ARF4: variants seen among roughly 807,000 people sequenced by gnomAD.
The protein encoded by ARF4 is ARF GTPase 4.
In ARF4, 5 loss-of-function variants were observed where a neutral mutation model predicts 24.3. The ratio of observed to expected loss-of-function variants is 0.21; its 90% confidence interval spans 0.11 to 0.43. The LOEUF is 0.43. Among genes scored for constraint, ARF4 ranks in the 20% least tolerant of loss-of-function variants. The probability of loss-of-function intolerance (pLI) is 1.00; values close to 1 mark genes in which losing one functional copy is unlikely to be tolerated. For missense variants in ARF4, 107 were observed against 213.0 expected (o/e 0.50, Z 3.10); for synonymous variants, 62 against 73.5 (o/e 0.84, Z 0.80).
chr3:57,582,509 G>A (rs1281636587), intron 3 of ARF4, among the ~76,000 whole-genome samples: 1 of 152,082 alleles, frequency 6.6e-6, no homozygotes, highest in Non-Finnish European at 1.5e-5. Context: ...CCAAAGTGCT[G>A]GGATCACAGG....
At chr3:57,576,912 T>C (rs1408851878) in intron 4 of ARF4, among the ~76,000 whole-genome samples, 1 of 152,128 alleles carries the variant, frequency 6.6e-6, no homozygotes, top group Non-Finnish European at 1.5e-5. Context: ...ACCGATGACC[T>C]TGGGAACAAA....
At chr3:57,595,701 C>T (rs575149296) in intron 1 of ARF4, among the ~76,000 whole-genome samples, 1 of 152,272 alleles carries the variant, frequency 6.6e-6, no homozygotes, top group African/African-American at 2.4e-5. Context: ...GTAATCCCAG[C>T]ACTCTGGGAA....
intron 3 of ARF4, among the ~76,000 whole-genome samples, chr3:57,580,147 T>C (rs2069952344): frequency 6.6e-6 from 1 of 152,062 alleles, no homozygotes; most frequent in African/African-American, 2.4e-5. Context: ...GCCAATATAG[T>C]GTGGTGGGAA....
intron 1 of ARF4, among the ~76,000 whole-genome samples, chr3:57,585,845 A>T (rs1453154833): frequency 2.6e-5 from 4 of 152,060 alleles, no homozygotes; most frequent in African/African-American, 9.7e-5. Context: ...TATTTTTAGT[A>T]GAGACGGGGT....
chr3:57,573,811 G>C (rs540047485), intron 5 of ARF4, among the ~76,000 whole-genome samples: 1 of 152,236 alleles, frequency 6.6e-6, no homozygotes, highest in East Asian at 1.9e-4. Flanking sequence ...CGAACTCCTG[G>C]TCTCAAGTGA....
At chr3:57,594,698 C>T (rs977650335) in intron 1 of ARF4, among the ~76,000 whole-genome samples, 20 of 152,146 alleles carry the variant, frequency 1.3e-4, no homozygotes, top group Non-Finnish European at 2.9e-4. Flanking sequence ...GAATAAAACA[C>T]TGACTCAGGA....
At chr3:57,582,604 C>G (rs1215424189) in intron 3 of ARF4, among the ~76,000 whole-genome samples, 1 of 152,046 alleles carries the variant, frequency 6.6e-6, no homozygotes, top group African/African-American at 2.4e-5. Flanking sequence ...CTATGTAAAC[C>G]TGGTTGTCCC....
At chr3:57,595,198 G>T (rs1559788505) in intron 1 of ARF4, among the ~76,000 whole-genome samples, 1 of 152,020 alleles carries the variant, frequency 6.6e-6, no homozygotes. Context: ...TATATTCCTT[G>T]CCCCTCTGAT....
At chr3:57,589,487 A>C (rs1173313271) in intron 1 of ARF4, among the ~76,000 whole-genome samples, 4 of 152,100 alleles carry the variant, frequency 2.6e-5, no homozygotes, top group Non-Finnish European at 4.4e-5. Context: ...TGGGAGGCTG[A>C]AGTGGGTGGA....
intron 1 of ARF4, among the ~76,000 whole-genome samples, chr3:57,584,695 C>T (rs1476893326): frequency 1.3e-5 from 2 of 152,096 alleles, no homozygotes; most frequent in Non-Finnish European, 2.9e-5. Context: ...TAAAAGGTAA[C>T]AAGTATGTAG....
At chr3:57,595,094 T>G (rs532926774) in intron 1 of ARF4, among the ~76,000 whole-genome samples, 1 of 152,208 alleles carries the variant, frequency 6.6e-6, no homozygotes, top group Non-Finnish European at 1.5e-5. Flanking sequence ...AACTTAAATA[T>G]TTTTTCTCTC....
chr3:57,575,694 A>G (rs776714372), intron 4 of ARF4, 21 bp from the exon 5 acceptor site: 18 of 1,594,744 alleles, frequency 1.1e-5, no homozygotes, highest in Non-Finnish European at 1.5e-5. Context: ...AAGGTAAGGC[A>G]TTAACAACTA....
At chr3:57,592,772 C>A (rs2070130065) in intron 1 of ARF4, among the ~76,000 whole-genome samples, 2 of 152,010 alleles carry the variant, frequency 1.3e-5, no homozygotes, top group African/African-American at 2.4e-5. Flanking sequence ...ATCAGAAGAG[C>A]CTGTTTTTTT....
At chr3:57,579,577 C>T (rs546150264) in intron 3 of ARF4, among the ~76,000 whole-genome samples, 9 of 152,144 alleles carry the variant, frequency 5.9e-5, no homozygotes, top group South Asian at 2.1e-4. Flanking sequence ...TGTGAGCCAC[C>T]GCGCCCAGCC....
intron 3 of ARF4, 131 bp downstream of exon 3, chr3:57,583,767 G>T: frequency 1.5e-6 from 1 of 682,370 alleles, no homozygotes; most frequent in Non-Finnish European, 2.6e-6. Context: ...ACTGAAGAAT[G>T]TGGAAGTGGT....
intron 1 of ARF4, among the ~76,000 whole-genome samples, chr3:57,594,073 T>C (rs1364463400): frequency 2.0e-5 from 3 of 151,992 alleles, no homozygotes; most frequent in African/African-American, 4.8e-5. Flanking sequence ...CTGGCCAACA[T>C]GGTGAAACCC....
At chr3:57,586,970 T>C (rs1238486176) in intron 1 of ARF4, among the ~76,000 whole-genome samples, 1 of 152,042 alleles carries the variant, frequency 6.6e-6, no homozygotes, top group Admixed American at 6.6e-5. Context: ...CACACAAAAC[T>C]ATGGTACCTG....
At chr3:57,582,705 G>T (rs1185905934) in intron 3 of ARF4, among the ~76,000 whole-genome samples, 1 of 147,312 alleles carries the variant, frequency 6.8e-6, no homozygotes, top group Non-Finnish European at 1.5e-5. Flanking sequence ...AGATGACATT[G>T]CAAGTCTTAA....
chr3:57,584,167 T>C, intron 2 of ARF4, 160 bp from the exon 3 acceptor site: 1 of 699,024 alleles, frequency 1.4e-6, no homozygotes, highest in Non-Finnish European at 2.4e-6. Context: ...CTCATTATGT[T>C]ATGCAGGCTG....
Sources: gnomAD v4.1 joint callset for allele counts (sites outside exome capture counted in the v4.1 genomes callset) on GRCh38, gnomAD v4.1.1 for gene constraint, MANE v1.5 for transcripts, NCBI Gene and HGNC (gene_info 2026-07-23, HGNC 2026-07-21) for gene names.